ATP10A: variants seen among roughly 807,000 people sequenced by gnomAD.
ATP10A encodes the protein phospholipid-transporting ATPase VA.
A neutral mutation model predicts 147.8 loss-of-function variants in ATP10A; 111 were observed. The observed-to-expected ratio is 0.75, with a 90% CI of 0.64 to 0.88. ATP10A has a LOEUF of 0.88. ATP10A is among the 40% of genes least tolerant of loss of function. ATP10A has a pLI of 0.00. For missense variants in ATP10A, 1,927 were observed against 1,959.0 expected (o/e 0.98, Z 0.31); for synonymous variants, 875 against 841.6 (o/e 1.04, Z -0.69).
In ATP10A at chr15:25,680,831, C is replaced by T; in HGVS notation, c.3657G>A (p.Leu1219=). ...TIALLTFLLH[L]GIETKTWTWL... is the part of the protein sequence containing the mutation. ...TTACCCAGGTTTTGGTTTCAATGCC[C>T]AGGTGGAGCAGGAAAGTGAGCAGCG... Residue 1219 remains leucine, a synonymous_variant, in exon 19 of 21, where the codon CTG becomes CTA. Transcript: ENST00000555815. The T allele has an allele frequency of 6.2e-7, 1 of 1,613,670 alleles. No individual in the cohort carries two copies. Among genetic ancestry groups the T allele is most frequent in the South Asian group, 1.1e-5 (1 of 91,050 alleles).
intron 1 of ATP10A, among the ~76,000 whole-genome samples, chr15:25,801,481 C>T (rs994060968): frequency 9.9e-5 from 15 of 152,186 alleles, no homozygotes; most frequent in Non-Finnish European, 2.1e-4. Context: ...GTGCATGCAG[C>T]GCTTAGCATC....
intron 15 of ATP10A, among the ~76,000 whole-genome samples, chr15:25,689,250 C>T (rs1321429064): frequency 1.3e-5 from 2 of 152,220 alleles, no homozygotes; most frequent in Non-Finnish European, 2.9e-5. Flanking sequence ...TCTGGGAATT[C>T]TAGGAGAGCA....
chr15:25,861,504 G>A (rs971194483), intron 1 of ATP10A, among the ~76,000 whole-genome samples: 2 of 152,236 alleles, frequency 1.3e-5, no homozygotes, highest in East Asian at 1.9e-4. Context: ...ACAGAGGCAC[G>A]CATCCATGGC....
chr15:25,841,529 T>C (rs904686014), intron 1 of ATP10A: 6 of 151,792 alleles, frequency 4.0e-5, no homozygotes, highest in African/African-American at 1.5e-4. Flanking sequence ...TGAGAAATCT[T>C]GTGGACATTT....
At chr15:25,685,025 T>G (rs1899633485) in intron 16 of ATP10A, among the ~76,000 whole-genome samples, 1 of 152,180 alleles carries the variant, frequency 6.6e-6, no homozygotes. Context: ...TCTCGCTCAC[T>G]CACCCCCGCA....
chr15:25,860,526 A>C (rs1464140079), intron 1 of ATP10A, among the ~76,000 whole-genome samples: 1 of 152,214 alleles, frequency 6.6e-6, no homozygotes, highest in Non-Finnish European at 1.5e-5. Flanking sequence ...CCAGGGAACA[A>C]TAAACAGAAG....
At chr15:25,788,276 C>A (rs749566203) in intron 1 of ATP10A, among the ~76,000 whole-genome samples, 3 of 152,236 alleles carry the variant, frequency 2.0e-5, no homozygotes, top group Non-Finnish European at 4.4e-5. Context: ...CACAAAGCCA[C>A]GGTGCACACA....
At chr15:25,696,344 T>A (rs1197894955) in intron 13 of ATP10A, among the ~76,000 whole-genome samples, 1 of 152,178 alleles carries the variant, frequency 6.6e-6, no homozygotes, top group African/African-American at 2.4e-5. Context: ...TGCGAAAGTG[T>A]GGAGATGGAT....
intron 1 of ATP10A, chr15:25,862,262 C>T: frequency 2.1e-6 from 1 of 481,860 alleles, no homozygotes; most frequent in Non-Finnish European, 4.1e-6. Context: ...CTGTGCCTGG[C>T]CGAAGACTGA....
chr15:25,690,902 G>A (rs1156740247), intron 15 of ATP10A, among the ~76,000 whole-genome samples: 5 of 152,118 alleles, frequency 3.3e-5, no homozygotes, highest in East Asian at 1.9e-4. Context: ...AGGACCAGCC[G>A]TGACGGAACT....
intron 1 of ATP10A, among the ~76,000 whole-genome samples, chr15:25,785,242 G>T (rs910195450): frequency 6.6e-6 from 1 of 152,042 alleles, no homozygotes. Flanking sequence ...GCTCTAAAGA[G>T]GATTAAAGTT....
chr15:25,783,002 C>T (rs1889996332), intron 1 of ATP10A, among the ~76,000 whole-genome samples: 1 of 151,478 alleles, frequency 6.6e-6, no homozygotes, highest in African/African-American at 2.4e-5. Flanking sequence ...AGACCCCCAT[C>T]TCTAAAAAAA....
chr15:25,740,585 T>G (rs1887535034), intron 2 of ATP10A, among the ~76,000 whole-genome samples: 1 of 152,194 alleles, frequency 6.6e-6, no homozygotes, highest in East Asian at 1.9e-4. Flanking sequence ...CCCTTTGCAT[T>G]TCCCTTCATG....
Position 25,726,044 on chromosome 15 carries a change from G to A in ATP10A, c.886C>T (p.Arg296Cys), listed in dbSNP as rs147326935. 44 of 1,613,922 alleles carry A rather than the reference G, an allele frequency of 2.7e-5. No homozygotes were observed. The highest frequency in any genetic ancestry group is 2.5e-4 in the South Asian group (23 of 91,074). ...CTCTCCAGCTTGCTGCGCTTGTAGC[G>A]GGGCCCACTGTTGTTCAGCAGAGCC... is the stretch of plus-strand genomic sequence containing the variant. ...TKALLNNSGP[R>C]YKRSKLERQM... Residue 296 changes from arginine to cysteine, a missense_variant, in exon 5 of 21, where the codon CGC becomes TGC. Arg to Cys is a radical substitution (Grantham distance 180). Transcript: ENST00000555815.
intron 13 of ATP10A, among the ~76,000 whole-genome samples, chr15:25,701,644 C>T (rs920886770): frequency 3.9e-5 from 6 of 152,292 alleles, no homozygotes; most frequent in Non-Finnish European, 5.9e-5. Context: ...GGGGACCTCA[C>T]GAGAAAGTTC....
At chr15:25,701,723 A>G (rs1373272998) in intron 13 of ATP10A, among the ~76,000 whole-genome samples, 193 bp downstream of exon 13, 2 of 152,192 alleles carry the variant, frequency 1.3e-5, no homozygotes, top group African/African-American at 4.8e-5. Flanking sequence ...CCAGACATGC[A>G]TTCCTTTGGT....
At chr15:25,715,000 AC>A (rs1309300552) in intron 9 of ATP10A, among the ~76,000 whole-genome samples, 1 of 145,352 alleles carries the variant, frequency 6.9e-6, no homozygotes, top group African/African-American at 2.6e-5. Context: ...ACACACACAC[AC>A]AATTGTTAAA....
At chr15:25,779,294 T>A (rs984018733) in intron 2 of ATP10A, among the ~76,000 whole-genome samples, 3 of 152,212 alleles carry the variant, frequency 2.0e-5, no homozygotes, top group Non-Finnish European at 4.4e-5. Context: ...TTTTCCACCT[T>A]GTCTGAGGTT....
rs113246911 is a variant in ATP10A, at chr15:25,683,091, C to T, written c.3492+195G>A. Among the ~76,000 whole-genome samples, 1,086 of 152,198 alleles carry T rather than the reference C, an allele frequency of 7.1e-3. 7 individuals are homozygous for T. Among genetic ancestry groups the T allele is most frequent in the African/African-American group, 0.025 (1,035 of 41,514 alleles). Reference sequence around the variant, plus strand: ...GAGACTCTTGGAGGGGGGACAGTTTCGCTTACAACACTTGATGCACTGCAG... The same window carrying T: ...GAGACTCTTGGAGGGGGGACAGTTTTGCTTACAACACTTGATGCACTGCAG... On this transcript the variant is annotated intron_variant, in intron 17 of 20. Coordinates refer to ENST00000555815, the MANE Select transcript of ATP10A (RefSeq NM_024490.4).
Sources: allele counts gnomAD v4.1 joint callset (sites outside exome capture counted in the v4.1 genomes callset), GRCh38; gene constraint gnomAD v4.1.1; transcripts MANE v1.5; gene names NCBI Gene and HGNC (gene_info 2026-07-23, HGNC 2026-07-21).